Variants in FBXL2 observed in about 807,000 individuals in gnomAD.
FBXL2 encodes the protein F-box/LRR-repeat protein 2.
A neutral mutation model predicts 69.2 loss-of-function variants in FBXL2; 38 were observed. The ratio of observed to expected loss-of-function variants is 0.55; its 90% CI spans 0.42 to 0.72. The LOEUF (loss-of-function observed/expected upper bound fraction) is 0.72. FBXL2 is among the 30% of genes least tolerant of loss of function. The probability of loss-of-function intolerance (pLI) is 0.00; values close to 1 mark genes in which losing one functional copy is unlikely to be tolerated. For synonymous variants in FBXL2, 192 were observed against 201.3 expected (o/e 0.95, Z 0.39); for missense variants, 354 against 520.3 (o/e 0.68, Z 3.11).
At chr3:33,289,175 T>C (rs1188241872) in intron 1 of FBXL2, among the ~76,000 whole-genome samples, 1 of 152,118 alleles carries the variant, frequency 6.6e-6, no homozygotes, top group African/African-American at 2.4e-5. Flanking sequence ...TACTGAGAGG[T>C]TAAATGACTT....
the FBXL2 span, among the ~76,000 whole-genome samples, chr3:33,418,682 A>T: frequency 3.3e-5 from 5 of 151,594 alleles, no homozygotes; most frequent in Non-Finnish European, 5.9e-5. Flanking sequence ...AACATGGAGA[A>T]ACCTCATCTC....
At chr3:33,335,034 G>C (rs2039465154) in intron 2 of FBXL2, among the ~76,000 whole-genome samples, 1 of 152,058 alleles carries the variant, frequency 6.6e-6, no homozygotes, top group African/African-American at 2.4e-5. Flanking sequence ...CTGGGAAGCA[G>C]AGATTGCAGT....
At chr3:33,316,024 A>G (rs562135252) in intron 2 of FBXL2, among the ~76,000 whole-genome samples, 44 of 148,380 alleles carry the variant, frequency 3.0e-4, no homozygotes, top group East Asian at 7.9e-4. Context: ...TGACCTTTAC[A>G]TGGACTTTAC....
At chr3:33,335,170 T>C (rs963745139) in intron 2 of FBXL2, among the ~76,000 whole-genome samples, 13 of 151,630 alleles carry the variant, frequency 8.6e-5, no homozygotes, top group Admixed American at 1.3e-4. Context: ...AGCCAAATTA[T>C]ATATATATTC....
chr3:33,333,120 A>G (rs1398023682), intron 2 of FBXL2, among the ~76,000 whole-genome samples: 2 of 152,196 alleles, frequency 1.3e-5, no homozygotes, highest in Non-Finnish European at 2.9e-5. Context: ...TGACTGCTTA[A>G]TGGGTATAGT....
At chr3:33,327,124 TAAA>T (rs1044743389) in intron 2 of FBXL2, among the ~76,000 whole-genome samples, 2 of 152,180 alleles carry the variant, frequency 1.3e-5, no homozygotes, top group African/African-American at 4.8e-5. Flanking sequence ...ATTATTATCT[TAAA>T]AAAAGTTTCT....
chr3:33,331,900 A>C (rs756362641), intron 2 of FBXL2, among the ~76,000 whole-genome samples: 1 of 152,208 alleles, frequency 6.6e-6, no homozygotes, highest in East Asian at 1.9e-4. Context: ...GATATAGAAA[A>C]GGTTAAGAGA....
chr3:33,290,016 C>G (rs917509578), intron 1 of FBXL2, among the ~76,000 whole-genome samples: 2 of 152,116 alleles, frequency 1.3e-5, no homozygotes, highest in African/African-American at 2.4e-5. Context: ...GAGATCTCCT[C>G]AAGGCACAGA....
intron 1 of FBXL2, chr3:33,278,358 T>C (rs1340604599): frequency 6.6e-6 from 1 of 151,790 alleles, no homozygotes; most frequent in Non-Finnish European, 1.5e-5. Flanking sequence ...GACTCCTTGC[T>C]TGGGGACACA....
the FBXL2 span, among the ~76,000 whole-genome samples, chr3:33,422,022 G>C: frequency 3.3e-5 from 5 of 152,098 alleles, no homozygotes; most frequent in African/African-American, 1.2e-4. Context: ...CAGCCTAAGA[G>C]ACAGAGTGAG....
In FBXL2 at chr3:33,373,282, TTC is replaced by T; in HGVS notation, c.384_385del (p.Phe128LeufsTer25). On this transcript the variant is annotated frameshift_variant, in exon 7 of 15. Transcript: ENST00000484457. LOFTEE classifies it high-confidence loss of function. ...TDSTCYSLSR[F>X]CSKLKHLDLT... is the part of the protein sequence containing the mutation. ...CAGCACGTGTTATAGCCTTAGCAGATTCTGTTCCAAGCTGAAACATCTGGATC... is the reference window on the plus strand; with the variant it reads ...CAGCACGTGTTATAGCCTTAGCAGATTGTTCCAAGCTGAAACATCTGGATC... 6.2e-7 allele frequency: 1 copy of T among 1,614,200 alleles called. No individual in the cohort carries two copies. Among genetic ancestry groups the T allele is most frequent in the Non-Finnish European group, 8.5e-7 (1 of 1,180,018 alleles).
chr3:33,283,661 G>A (rs186900787), intron 1 of FBXL2, among the ~76,000 whole-genome samples: 1 of 152,294 alleles, frequency 6.6e-6, no homozygotes. Flanking sequence ...GAATTTGGCT[G>A]TGAATCTGTC....
chr3:33,318,684 A>T (rs2037918820), intron 2 of FBXL2, among the ~76,000 whole-genome samples: 1 of 152,222 alleles, frequency 6.6e-6, no homozygotes, highest in South Asian at 2.1e-4. Flanking sequence ...AAATTAGTGT[A>T]GTTAGAGTAG....
chr3:33,381,572 C>T (rs1033774421), intron 13 of FBXL2, among the ~76,000 whole-genome samples: 18 of 151,166 alleles, frequency 1.2e-4, no homozygotes, highest in African/African-American at 4.1e-4. Flanking sequence ...TGCGTTGAGC[C>T]GAGATTGCGC....
chr3:33,316,033 ACTACTT>A (rs2037655676), intron 2 of FBXL2, among the ~76,000 whole-genome samples: 1 of 148,702 alleles, frequency 6.7e-6, no homozygotes, highest in African/African-American at 2.5e-5. Context: ...CATGGACTTT[ACTACTT>A]CTTTGTTCTC....
rs780763268 is a variant in FBXL2, at chr3:33,359,409, T to C, written c.195+52T>C. 3 of 1,248,828 alleles carry C rather than the reference T, an allele frequency of 2.4e-6. No individual in the cohort carries two copies. The South Asian group carries it at 3.8e-5, about 16-fold the overall frequency. 77.4% of individuals were successfully genotyped at this position (1,248,828 alleles called of 1,614,324 possible). On this transcript the variant is annotated intron_variant, in intron 4 of 14. Transcript: ENST00000484457. Reference sequence around the variant, plus strand: ...AACTTTTTAAAAATATGAGTAGCTGTTCCCCCTTTCCTGACTTTTTATTTT... The same window carrying C: ...AACTTTTTAAAAATATGAGTAGCTGCTCCCCCTTTCCTGACTTTTTATTTT...
chr3:33,420,392 C>G, the FBXL2 span, among the ~76,000 whole-genome samples: 1 of 151,968 alleles, frequency 6.6e-6, no homozygotes, highest in African/African-American at 2.4e-5. Flanking sequence ...GTGGTGCAAT[C>G]TGGGCTCACT....
At chr3:33,413,391 C>A in the FBXL2 span, among the ~76,000 whole-genome samples, 1 of 151,264 alleles carries the variant, frequency 6.6e-6, no homozygotes, top group African/African-American at 2.4e-5. Flanking sequence ...ACAAAAAATA[C>A]AAAAAATTAG....
intron 2 of FBXL2, among the ~76,000 whole-genome samples, chr3:33,348,468 C>T (rs564914652): frequency 6.6e-6 from 1 of 152,112 alleles, no homozygotes; most frequent in East Asian, 1.9e-4. Flanking sequence ...TCTTTTTGCT[C>T]AGGATAGCTT....
Sources: allele counts gnomAD v4.1 joint callset (sites outside exome capture counted in the v4.1 genomes callset), GRCh38; gene constraint gnomAD v4.1.1; transcripts MANE v1.5; gene names NCBI Gene and HGNC (gene_info 2026-07-23, HGNC 2026-07-21).